Variants in ANKFN1 observed in about 807,000 individuals in gnomAD.
The protein encoded by ANKFN1 is ankyrin repeat and fibronectin type-III domain-containing protein 1.
Under a neutral mutation model 108.7 loss-of-function variants are expected in ANKFN1, and 74 were observed. That is an observed-to-expected ratio of 0.68 (90% CI 0.56 to 0.83). The LOEUF is 0.83. Ranked by LOEUF, ANKFN1 falls within the 40% of genes least tolerant of loss-of-function variation. The pLI is 0.00. For synonymous variants in ANKFN1, 547 were observed against 516.2 expected, an observed-to-expected ratio of 1.06 and a Z score of -0.81; for missense variants, 1,505 against 1,382.3, an observed-to-expected ratio of 1.09 and a Z score of -1.41.
chr17:56,313,448 G>A (rs1353315029), intron 3 of ANKFN1, among the ~76,000 whole-genome samples: 1 of 152,192 alleles, frequency 6.6e-6, no homozygotes, highest in East Asian at 1.9e-4. Flanking sequence ...GTGTGCCACA[G>A]TAAGGGGAAG....
intron 1 of ANKFN1, among the ~76,000 whole-genome samples, chr17:56,211,190 A>G (rs2143811796): frequency 6.6e-6 from 1 of 152,286 alleles, no homozygotes; most frequent in Non-Finnish European, 1.5e-5. Context: ...GCCAATGTCT[A>G]GAAGGGTTTT....
At chr17:56,449,209 G>A in intron 11 of ANKFN1, 23 bp downstream of exon 11, 1 of 1,599,522 alleles carries the variant, frequency 6.3e-7, no homozygotes. Flanking sequence ...ATCTGTGCTG[G>A]GCCATCAACT....
chr17:56,434,539 T>A (rs2048869932), intron 8 of ANKFN1, among the ~76,000 whole-genome samples: 1 of 152,166 alleles, frequency 6.6e-6, no homozygotes, highest in Non-Finnish European at 1.5e-5. Context: ...TAAAGATTCT[T>A]GTTTGAAAGT....
intron 4 of ANKFN1, among the ~76,000 whole-genome samples, chr17:56,136,234 G>C (rs1453358540): frequency 1.3e-5 from 2 of 152,262 alleles, no homozygotes; most frequent in East Asian, 3.9e-4. Flanking sequence ...GGAAATGAAT[G>C]GTGGATTGGG....
intron 8 of ANKFN1, among the ~76,000 whole-genome samples, chr17:56,421,374 A>C (rs376932569): frequency 6.6e-6 from 1 of 152,294 alleles, no homozygotes; most frequent in Middle Eastern, 3.4e-3. Flanking sequence ...GTCTAGAAAA[A>C]GGGAGTCGGA....
At chr17:56,306,608 C>T (rs972115308) in intron 3 of ANKFN1, among the ~76,000 whole-genome samples, 1 of 152,178 alleles carries the variant, frequency 6.6e-6, no homozygotes, top group South Asian at 2.1e-4. Flanking sequence ...ACATTCCATG[C>T]TCATGGGTAG....
At chr17:56,227,402 A>G (rs879669253) in intron 2 of ANKFN1, among the ~76,000 whole-genome samples, 1 of 152,146 alleles carries the variant, frequency 6.6e-6, no homozygotes, top group Non-Finnish European at 1.5e-5. Flanking sequence ...ATCTCCCACA[A>G]AAGCTTTCTA....
At chr17:56,461,466 C>T (rs1212445224) in intron 14 of ANKFN1, among the ~76,000 whole-genome samples, 2 of 152,192 alleles carry the variant, frequency 1.3e-5, no homozygotes, top group Non-Finnish European at 2.9e-5. Flanking sequence ...TTCTCCGTAT[C>T]CTTTGCTAGT....
chr17:56,412,604 A>G (rs1016962911), intron 8 of ANKFN1, among the ~76,000 whole-genome samples: 1 of 152,190 alleles, frequency 6.6e-6, no homozygotes, highest in Admixed American at 6.5e-5. Context: ...CCCATGTCAG[A>G]TGCTTCTTGC....
At chr17:56,321,454 TC>T (rs2144508876) in intron 3 of ANKFN1, among the ~76,000 whole-genome samples, 1 of 132,782 alleles carries the variant, frequency 7.5e-6, no homozygotes, top group Non-Finnish European at 1.6e-5. Context: ...GAAAAGGCAC[TC>T]CCTAAGAAAA....
intron 1 of ANKFN1, among the ~76,000 whole-genome samples, chr17:56,190,335 C>A (rs1912774137): frequency 3.1e-5 from 4 of 128,998 alleles, no homozygotes; most frequent in Admixed American, 8.3e-5. Context: ...TTCCTGCTTT[C>A]TCTTGTGGGC....
chr17:56,217,464 G>C (rs1369238270), intron 2 of ANKFN1, among the ~76,000 whole-genome samples: 5 of 152,174 alleles, frequency 3.3e-5, no homozygotes, highest in African/African-American at 1.2e-4. Context: ...TAATTGAGGA[G>C]GAAGGGCCCA....
At chr17:56,455,453 G>A (rs1255271358) in intron 11 of ANKFN1, among the ~76,000 whole-genome samples, 1 of 152,220 alleles carries the variant, frequency 6.6e-6, no homozygotes, top group Non-Finnish European at 1.5e-5. Context: ...GAATGCTTGT[G>A]TCAGTCAGCT....
At chr17:56,216,450 G>T (rs1598255724) in intron 2 of ANKFN1, among the ~76,000 whole-genome samples, 1 of 152,210 alleles carries the variant, frequency 6.6e-6, no homozygotes, top group Non-Finnish European at 1.5e-5. Context: ...GGATCATAAT[G>T]ATGTCATGTA....
chr17:56,504,703 T>G (rs889503538), intron 20 of ANKFN1, among the ~76,000 whole-genome samples: 2 of 152,172 alleles, frequency 1.3e-5, no homozygotes, highest in Non-Finnish European at 2.9e-5. Context: ...TTGCCCAGGC[T>G]GGAGTGCAGT....
At chr17:56,355,219 T>C (rs1247531327) in intron 6 of ANKFN1, among the ~76,000 whole-genome samples, 1 of 152,142 alleles carries the variant, frequency 6.6e-6, no homozygotes, top group Non-Finnish European at 1.5e-5. Context: ...ACCCCATAAA[T>C]ATGGGCAGTT....
chr17:56,290,868 CCCT>C (rs1377624838), intron 3 of ANKFN1, among the ~76,000 whole-genome samples: 1 of 151,992 alleles, frequency 6.6e-6, no homozygotes, highest in Non-Finnish European at 1.5e-5. Context: ...TCATTTCCTC[CCCT>C]CCTCTGAAAA....
intron 9 of ANKFN1, among the ~76,000 whole-genome samples, chr17:56,442,572 G>A (rs2145170420): frequency 6.6e-6 from 1 of 152,222 alleles, no homozygotes; most frequent in Admixed American, 6.5e-5. Flanking sequence ...AAGTCATTAT[G>A]ATTCTTAAAT....
chr17:56,413,297 C>T (rs144270780), intron 8 of ANKFN1, among the ~76,000 whole-genome samples: 4 of 152,188 alleles, frequency 2.6e-5, no homozygotes, highest in African/African-American at 4.8e-5. Flanking sequence ...TTGCTGAAGT[C>T]GTTTATCAGC....
Sources: allele counts gnomAD v4.1 joint callset (sites outside exome capture counted in the v4.1 genomes callset), GRCh38; gene constraint gnomAD v4.1.1; transcripts MANE v1.5; gene names NCBI Gene and HGNC (gene_info 2026-07-23, HGNC 2026-07-21).